LMO1: variants seen among roughly 807,000 people sequenced by gnomAD.
LMO1 encodes LIM domain only 1.
LMO1 carries 10 observed loss-of-function variants against 18.0 expected under a neutral mutation model. The observed-to-expected ratio is 0.55, with a 90% CI of 0.34 to 0.94. The LOEUF (loss-of-function observed/expected upper bound fraction) is 0.94, where lower values mean the gene tolerates loss of function less well. LMO1 is among the 40% of genes least tolerant of loss of function. The pLI is 0.02. For synonymous variants in LMO1, 77 were observed against 77.9 expected (o/e 0.99, Z 0.06); for missense variants, 183 against 205.7 (o/e 0.89, Z 0.68).
At chr11:8,230,205 G>A (rs1952627619) in intron 2 of LMO1, 86 bp downstream of exon 2, 8 of 1,227,466 alleles carry the variant, frequency 6.5e-6, no homozygotes, top group Admixed American at 5.1e-5. Flanking sequence ...TGGGTCTAGG[G>A]CCGGGGGCAC....
upstream of LMO1, chr11:8,263,944 A>C: frequency 4.4e-6 from 4 of 915,582 alleles, no homozygotes; most frequent in Non-Finnish European, 5.3e-6. Context: ...TCCCGGGTTA[A>C]TGGGGAGTGG....
upstream of LMO1, chr11:8,268,524 C>T (rs1210384664): frequency 6.5e-6 from 8 of 1,230,398 alleles, no homozygotes; most frequent in Non-Finnish European, 7.2e-6. Flanking sequence ...CGCCGGCCGC[C>T]TGCGCTGCTC....
chr11:8,225,889 G>A (rs1031899027), intron 3 of LMO1, among the ~76,000 whole-genome samples: 1 of 152,196 alleles, frequency 6.6e-6, no homozygotes, highest in Non-Finnish European at 1.5e-5. Flanking sequence ...CCTGACCTGG[G>A]GGCTCCTGAG....
chr11:8,254,564 G>C (rs1386540988), intron 1 of LMO1, among the ~76,000 whole-genome samples: 1 of 148,340 alleles, frequency 6.7e-6, no homozygotes, highest in Non-Finnish European at 1.5e-5. Context: ...TGGCTTTGCA[G>C]GACAGAGAGG....
At chr11:8,240,004 C>T (rs1328819998) in intron 1 of LMO1, among the ~76,000 whole-genome samples, 9 of 152,196 alleles carry the variant, frequency 5.9e-5, no homozygotes, top group African/African-American at 9.6e-5. Flanking sequence ...GTGGCCAAAG[C>T]GAGGCTGCAG....
intron 1 of LMO1, among the ~76,000 whole-genome samples, chr11:8,251,799 C>A (rs528591384): frequency 2.8e-5 from 4 of 142,642 alleles, no homozygotes; most frequent in African/African-American, 7.9e-5. Flanking sequence ...GTGTGGAGTG[C>A]GTGTGTGAGT....
upstream of LMO1, chr11:8,268,764 C>G (rs1450521121): frequency 1.0e-5 from 2 of 200,902 alleles, no homozygotes; most frequent in Non-Finnish European, 2.0e-5. Context: ...TCCTCCGCGC[C>G]GGCCGTACTC....
chr11:8,256,940 G>A (rs1385164950), intron 1 of LMO1, among the ~76,000 whole-genome samples: 2 of 152,236 alleles, frequency 1.3e-5, no homozygotes, highest in East Asian at 1.9e-4. Context: ...AAAGATAGCA[G>A]GTGAGATGAG....
chr11:8,243,184 C>T (rs12804461), intron 1 of LMO1, among the ~76,000 whole-genome samples: 1 of 152,120 alleles, frequency 6.6e-6, no homozygotes, highest in African/African-American at 2.4e-5. Context: ...CCCGGGGCTT[C>T]CTATTGAGGC....
intron 1 of LMO1, among the ~76,000 whole-genome samples, chr11:8,239,639 G>A (rs1846749992): frequency 6.6e-6 from 1 of 152,192 alleles, no homozygotes; most frequent in African/African-American, 2.4e-5. Context: ...TGTGAATGAG[G>A]GGATGGGTAG....
intron 1 of LMO1, among the ~76,000 whole-genome samples, chr11:8,259,402 G>A (rs1041530633): frequency 6.6e-6 from 1 of 152,188 alleles, no homozygotes; most frequent in Non-Finnish European, 1.5e-5. Flanking sequence ...GGCTGTATGT[G>A]CAGCTCAGGA....
At chr11:8,256,641 C>T (rs1261103215) in intron 1 of LMO1, among the ~76,000 whole-genome samples, 2 of 152,222 alleles carry the variant, frequency 1.3e-5, no homozygotes. Context: ...AACACACTCC[C>T]ACCAGTAGCG....
chr11:8,255,801 G>T (rs1220019872), intron 1 of LMO1, among the ~76,000 whole-genome samples: 1 of 145,550 alleles, frequency 6.9e-6, no homozygotes, highest in East Asian at 2.1e-4. Context: ...GATACATACA[G>T]ATAGCACAAT....
intron 1 of LMO1, among the ~76,000 whole-genome samples, chr11:8,247,854 C>T (rs935909099): frequency 6.6e-6 from 1 of 152,226 alleles, no homozygotes; most frequent in Non-Finnish European, 1.5e-5. Context: ...GATGAGAAGA[C>T]TTCTCAAGGT....
At chr11:8,241,596 C>A (rs1846793995) in intron 1 of LMO1, among the ~76,000 whole-genome samples, 1 of 152,198 alleles carries the variant, frequency 6.6e-6, no homozygotes, top group Non-Finnish European at 1.5e-5. Flanking sequence ...CCCAGAACAC[C>A]CTTCCCTGCC....
At chr11:8,232,621 C>T (rs765812903) in intron 1 of LMO1, among the ~76,000 whole-genome samples, 1 of 152,174 alleles carries the variant, frequency 6.6e-6, no homozygotes, top group Non-Finnish European at 1.5e-5. Flanking sequence ...TGGGCCAGGC[C>T]CCCGCTACAG....
chr11:8,264,412 G>A (rs933886624), upstream of LMO1, among the ~76,000 whole-genome samples: 2 of 152,122 alleles, frequency 1.3e-5, no homozygotes, highest in Non-Finnish European at 2.9e-5. Context: ...ACAGTTCTAA[G>A]GCACTAGGGA....
At chr11:8,245,614 C>G (rs1846880985) in intron 1 of LMO1, among the ~76,000 whole-genome samples, 1 of 152,214 alleles carries the variant, frequency 6.6e-6, no homozygotes, top group African/African-American at 2.4e-5. Context: ...ACCCCAGGAT[C>G]TCACTGGGGA....
chr11:8,226,263 G>A (rs1021831255), intron 3 of LMO1, among the ~76,000 whole-genome samples: 1 of 152,170 alleles, frequency 6.6e-6, no homozygotes, highest in African/African-American at 2.4e-5. Context: ...GGGAGGCTGA[G>A]GTGGGCAGAT....
Sources: gnomAD v4.1 joint callset for allele counts (sites outside exome capture counted in the v4.1 genomes callset) on GRCh38, gnomAD v4.1.1 for gene constraint, MANE v1.5 for transcripts, NCBI Gene and HGNC (gene_info 2026-07-23, HGNC 2026-07-21) for gene names.